Variants in RBMS2 observed in about 807,000 individuals in gnomAD.
The protein encoded by RBMS2 is RNA-binding motif, single-stranded-interacting protein 2.
RBMS2 carries 38 observed loss-of-function variants against 58.4 expected under a neutral mutation model. That is an observed-to-expected ratio of 0.65 (90% CI 0.50 to 0.85). The LOEUF (loss-of-function observed/expected upper bound fraction) is 0.85, where lower values mean the gene tolerates loss of function less well. RBMS2 is among the 40% of genes least tolerant of loss of function. The pLI is 0.00. For missense variants in RBMS2, 367 were observed against 503.7 expected, an observed-to-expected ratio of 0.73 and a Z score of 2.60; for synonymous variants, 151 against 180.7, an observed-to-expected ratio of 0.84 and a Z score of 1.32.
chr12:56,579,582 C>T (rs928982740), intron 5 of RBMS2, among the ~76,000 whole-genome samples: 2 of 149,680 alleles, frequency 1.3e-5, no homozygotes, highest in Non-Finnish European at 1.5e-5. Flanking sequence ...TGTAGTGAGC[C>T]GAGATCGCGC....
chr12:56,526,425 A>G (rs1181564474), intron 1 of RBMS2, among the ~76,000 whole-genome samples: 1 of 152,106 alleles, frequency 6.6e-6, no homozygotes, highest in Non-Finnish European at 1.5e-5. Flanking sequence ...CATGACAGTC[A>G]TAGTTTTCTT....
At chr12:56,578,888 T>C (rs889400163) in intron 5 of RBMS2, among the ~76,000 whole-genome samples, 4 of 151,940 alleles carry the variant, frequency 2.6e-5, no homozygotes, top group African/African-American at 9.7e-5. Context: ...CGTTTGAACC[T>C]GGGAGGAGGA....
rs757107937 is a variant in RBMS2, at chr12:56,587,658, A to G, written c.1056A>G (p.Thr352=). The change falls in exon 11 of 14, where the codon ACA becomes ACG. Residue 352 remains threonine, a synonymous_variant. Transcript: ENST00000262031. ...TGGGCCATCTCTCCCTCAGCAGCAC[A>G]GGCACGGTAAAGCAGGATATTTCTG... is the stretch of plus-strand genomic sequence containing the variant. ...QQLGHLSLSS[T]GTYMPTAAAM... 4 of 1,613,058 alleles carry G rather than the reference A, an allele frequency of 2.5e-6. No homozygotes were observed. The highest frequency in any genetic ancestry group is 4.5e-5 in the East Asian group (2 of 44,872).
At chr12:56,588,471 C>T (rs1413443832) in intron 12 of RBMS2, 97 bp downstream of exon 12, 1 of 1,154,748 alleles carries the variant, frequency 8.7e-7, no homozygotes, top group Admixed American at 1.8e-5. Context: ...GATGCTGATT[C>T]TGTGTTCACA....
At chr12:56,562,315 A>G (rs1324047004) in intron 1 of RBMS2, 102 bp from the exon 2 acceptor site, 1 of 1,126,496 alleles carries the variant, frequency 8.9e-7, no homozygotes, top group Non-Finnish European at 1.3e-6. Flanking sequence ...ATTTGTGATT[A>G]TATATAGTTT....
chr12:56,581,509 G>C lies in RBMS2; in HGVS notation c.732+1G>C. 1 of 1,611,660 alleles carries C rather than the reference G, an allele frequency of 6.2e-7. No individual in the cohort carries two copies. Among genetic ancestry groups the C allele is most frequent in the South Asian group, 1.1e-5 (1 of 91,002 alleles). ...GGCTTGGCCAAGGAATGCAGACATGGTAAGAGGACCTCTGAGGAGACAGGA... is the reference window on the plus strand; with the variant it reads ...GGCTTGGCCAAGGAATGCAGACATGCTAAGAGGACCTCTGAGGAGACAGGA... On this transcript the variant is annotated splice_donor_variant, in intron 7 of 13. Coordinates refer to ENST00000262031, the MANE Select transcript of RBMS2 (RefSeq NM_002898.4). LOFTEE classifies it high-confidence loss of function.
In RBMS2 at chr12:56,586,699, GA is replaced by G. The variant is rs540194247; in HGVS notation, c.874-148del. 1.6e-3 allele frequency: 1,019 copies of G among 635,050 alleles called. 17 individuals are homozygous for G. In the South Asian group the frequency reaches 0.019, roughly 12 times the overall value. The allele number at this position is 635,050 out of a possible 1,614,324, so 39.3% of individuals were successfully genotyped here. Reference sequence around the variant, plus strand: ...AACTGGATTATTTATTGAGTTTTAAGAATTGCTAATATTTTAAAAACAGTTT... The same window carrying G: ...AACTGGATTATTTATTGAGTTTTAAGATTGCTAATATTTTAAAAACAGTTT... On this transcript the variant is annotated intron_variant, in intron 9 of 13. Transcript: ENST00000262031.
At chr12:56,581,944 T>C (rs1884014340) in intron 8 of RBMS2, 65 bp downstream of exon 8, 1 of 1,585,650 alleles carries the variant, frequency 6.3e-7, no homozygotes, top group Non-Finnish European at 8.7e-7. Context: ...ACTCAAATGA[T>C]TCATCTTGAT....
At chr12:56,569,134 C>A in intron 3 of RBMS2, 101 bp downstream of exon 3, 1 of 1,052,618 alleles carries the variant, frequency 9.5e-7, no homozygotes, top group Non-Finnish European at 1.4e-6. Context: ...ACAGTGTCAG[C>A]GAGAAGTCCC....
chr12:56,562,345 G>T, intron 1 of RBMS2, 72 bp from the exon 2 acceptor site: 1 of 1,417,646 alleles, frequency 7.1e-7, no homozygotes, highest in African/African-American at 1.4e-5. Flanking sequence ...TTTTCAAGAG[G>T]TCCAGGATCT....
chr12:56,533,408 C>CTT lies in RBMS2; in HGVS notation c.66+11343_66+11344dup, dbSNP rs1164155079. Among the ~76,000 whole-genome samples, 299 of 65,250 alleles carry CTT rather than the reference C, an allele frequency of 4.6e-3. 2 individuals carry two copies. Among genetic ancestry groups the CTT allele is most frequent in the East Asian group, 6.6e-3 (13 of 1,958 alleles). The allele number at this position is 65,250 out of a possible 152,430, so 42.8% of individuals were successfully genotyped here. On this transcript the variant is annotated intron_variant, in intron 1 of 13. Coordinates refer to ENST00000262031, the MANE Select transcript of RBMS2 (RefSeq NM_002898.4). The stretch of plus-strand genomic sequence containing the variant: ...TGAGCCGCGGCACCCAGCCCTATTA[C>CTT]TTTTTTTTTTTTTTTTTTTTTTTTT...
intron 9 of RBMS2, among the ~76,000 whole-genome samples, chr12:56,584,594 A>T (rs950763271): frequency 2.0e-5 from 3 of 151,876 alleles, no homozygotes; most frequent in Admixed American, 2.0e-4. Flanking sequence ...GACCATCCAG[A>T]CTAACACAGT....
In RBMS2 at chr12:56,570,184, C is replaced by T. The variant is rs1030202789; in HGVS notation, c.384+194C>T. On this transcript the variant is annotated intron_variant, in intron 4 of 13. Transcript: ENST00000262031. ...TATTCAAAGTCTATGGCAGGTAGCT[C>T]TATCAGCTCTCTTCCTTTCACCAAG... 2.6e-5 allele frequency among the ~76,000 whole-genome samples: 4 copies of T among 152,138 alleles called. No individual in the cohort carries two copies. The South Asian group carries it at 8.3e-4, about 32-fold the overall frequency.
At chr12:56,567,082 C>T (rs947594023) in intron 2 of RBMS2, among the ~76,000 whole-genome samples, 1 of 151,990 alleles carries the variant, frequency 6.6e-6, no homozygotes, top group Non-Finnish European at 1.5e-5. Flanking sequence ...TGCATTTTTA[C>T]TGGACAAAAA....
intron 1 of RBMS2, among the ~76,000 whole-genome samples, chr12:56,548,382 G>T (rs917086205): frequency 6.6e-6 from 1 of 152,192 alleles, no homozygotes. Flanking sequence ...GGGAGGCAGA[G>T]GTTGCAGTGA....
intron 1 of RBMS2, among the ~76,000 whole-genome samples, chr12:56,548,523 G>C (rs1877671909): frequency 6.6e-6 from 1 of 152,144 alleles, no homozygotes; most frequent in Non-Finnish European, 1.5e-5. Context: ...TTATTATGGG[G>C]TCTGTTACTT....
At chr12:56,563,199 GCCAGTGTGGGACTGGCCTTTAA>G (rs1880749032) in intron 2 of RBMS2, among the ~76,000 whole-genome samples, 10 of 152,288 alleles carry the variant, frequency 6.6e-5, no homozygotes, top group Admixed American at 5.2e-4. Context: ...TCTAAGGAAA[GCCAGTGTGGGACTGGCCTTTAA>G]AGCCTAATAT....
intron 1 of RBMS2, among the ~76,000 whole-genome samples, chr12:56,526,742 G>C (rs1046265377): frequency 3.3e-5 from 5 of 149,808 alleles, no homozygotes; most frequent in Non-Finnish European, 7.4e-5. Context: ...TGAAGAAGTT[G>C]CCAAAGTAGA....
chr12:56,588,164 A>C, intron 11 of RBMS2, 130 bp from the exon 12 acceptor site: 1 of 732,730 alleles, frequency 1.4e-6, no homozygotes, highest in Non-Finnish European at 2.3e-6. Flanking sequence ...TAAGATGCAA[A>C]TGCTCAGACC....
Sources: allele counts gnomAD v4.1 joint callset (sites outside exome capture counted in the v4.1 genomes callset), GRCh38; gene constraint gnomAD v4.1.1; transcripts MANE v1.5; gene names NCBI Gene and HGNC (gene_info 2026-07-23, HGNC 2026-07-21).